Variants in CDYL2 observed in about 807,000 individuals in gnomAD.
CDYL2 encodes the protein chromodomain Y like 2, also known as chromodomain Y-like protein 2.
Under a neutral mutation model 49.4 loss-of-function variants are expected in CDYL2, and 23 were observed. The ratio of observed to expected loss-of-function variants is 0.47; its 90% CI spans 0.34 to 0.66. The LOEUF (loss-of-function observed/expected upper bound fraction) is 0.66, where lower values mean the gene tolerates loss of function less well. Ranked by LOEUF, CDYL2 falls within the 30% of genes least tolerant of loss-of-function variation. CDYL2 has a pLI of 0.01. For synonymous variants in CDYL2, 360 were observed against 268.8 expected (o/e 1.34, Z -3.32); for missense variants, 678 against 656.4 (o/e 1.03, Z -0.36).
chr16:80,744,491 G>GAAA (rs35937964), intron 1 of CDYL2, among the ~76,000 whole-genome samples: 1 of 151,926 alleles, frequency 6.6e-6, no homozygotes. Flanking sequence ...CCAAAAGAAG[G>GAAA]AAAAAAAGAA....
chr16:80,640,191 A>C (rs1291968380), intron 2 of CDYL2, among the ~76,000 whole-genome samples: 1 of 152,204 alleles, frequency 6.6e-6, no homozygotes, highest in Non-Finnish European at 1.5e-5. Context: ...TGCACACCTC[A>C]AGTATCCAAA....
chr16:80,671,276 C>G (rs770785815), intron 2 of CDYL2, among the ~76,000 whole-genome samples: 6 of 152,150 alleles, frequency 3.9e-5, no homozygotes, highest in Non-Finnish European at 8.8e-5. Flanking sequence ...TACGGACAAG[C>G]CAGAGGAAGG....
chr16:80,704,021 G>T (rs572038816), intron 1 of CDYL2, among the ~76,000 whole-genome samples: 1 of 152,308 alleles, frequency 6.6e-6, no homozygotes, highest in African/African-American at 2.4e-5. Flanking sequence ...GCATGTTGCT[G>T]GAAGATTGGG....
intron 1 of CDYL2, among the ~76,000 whole-genome samples, chr16:80,760,949 G>T (rs1056633168): frequency 6.6e-6 from 1 of 152,062 alleles, no homozygotes; most frequent in Non-Finnish European, 1.5e-5. Flanking sequence ...ATGCGCAAAG[G>T]TGACAAAAAC....
chr16:80,614,244 G>A (rs933500200), intron 4 of CDYL2, among the ~76,000 whole-genome samples: 3 of 152,136 alleles, frequency 2.0e-5, no homozygotes, highest in Non-Finnish European at 2.9e-5. Context: ...TCTGCTGGCC[G>A]GCCACATTTC....
chr16:80,692,193 C>T (rs79683231), intron 1 of CDYL2, among the ~76,000 whole-genome samples: 5 of 152,286 alleles, frequency 3.3e-5, no homozygotes, highest in South Asian at 2.1e-4. Context: ...ACTTCACTGA[C>T]GGGGGAAGGA....
At chr16:80,701,267 A>T (rs187773045) in intron 1 of CDYL2, among the ~76,000 whole-genome samples, 1 of 152,362 alleles carries the variant, frequency 6.6e-6, no homozygotes, top group East Asian at 1.9e-4. Context: ...AAATATATAA[A>T]GGTCTGGAAT....
intron 1 of CDYL2, among the ~76,000 whole-genome samples, chr16:80,788,089 A>T (rs962746684): frequency 2.6e-5 from 4 of 152,212 alleles, no homozygotes; most frequent in Admixed American, 1.3e-4. Flanking sequence ...CAAATGAAAG[A>T]AAAAGGAAAA....
At chr16:80,715,922 G>C (rs1597095086) in intron 1 of CDYL2, among the ~76,000 whole-genome samples, 1 of 152,172 alleles carries the variant, frequency 6.6e-6, no homozygotes, top group Non-Finnish European at 1.5e-5. Context: ...GATGGAAGAA[G>C]AAGTAGATTC....
At chr16:80,676,930 C>A (rs1909767352) in intron 2 of CDYL2, among the ~76,000 whole-genome samples, 1 of 141,518 alleles carries the variant, frequency 7.1e-6, no homozygotes. Context: ...TTTCTTACTT[C>A]TTCTGAGGAC....
intron 2 of CDYL2, among the ~76,000 whole-genome samples, chr16:80,668,693 GTT>G (rs1412449188): frequency 1.3e-5 from 2 of 152,024 alleles, no homozygotes; most frequent in African/African-American, 4.8e-5. Flanking sequence ...GAGGTCAGGA[GTT>G]TGAGACCAGC....
At chr16:80,769,329 G>T (rs923209903) in intron 1 of CDYL2, among the ~76,000 whole-genome samples, 2 of 152,222 alleles carry the variant, frequency 1.3e-5, no homozygotes, top group African/African-American at 4.8e-5. Context: ...GTTAATGGAG[G>T]TGATGCTGAA....
chr16:80,620,383 G>C (rs1907025058), intron 4 of CDYL2, among the ~76,000 whole-genome samples: 1 of 152,162 alleles, frequency 6.6e-6, no homozygotes, highest in Admixed American at 6.5e-5. Flanking sequence ...CAGACAACCA[G>C]AGACTCTCCC....
intron 4 of CDYL2, among the ~76,000 whole-genome samples, chr16:80,617,105 G>C (rs928534693): frequency 6.6e-6 from 1 of 152,218 alleles, no homozygotes; most frequent in Non-Finnish European, 1.5e-5. Flanking sequence ...ATGGATCCTG[G>C]AGAGAGCCTT....
intron 1 of CDYL2, among the ~76,000 whole-genome samples, chr16:80,783,308 G>A (rs987388463): frequency 2.0e-5 from 3 of 152,222 alleles, no homozygotes; most frequent in African/African-American, 4.8e-5. Flanking sequence ...AATCAAAACT[G>A]CAATGAGATA....
chr16:80,786,306 T>C (rs1031003109), intron 1 of CDYL2, among the ~76,000 whole-genome samples: 3 of 152,156 alleles, frequency 2.0e-5, no homozygotes, highest in African/African-American at 4.8e-5. Context: ...GGGCAAAGGA[T>C]ATGAACAGAC....
intron 1 of CDYL2, among the ~76,000 whole-genome samples, chr16:80,697,645 C>T (rs925280577): frequency 1.3e-5 from 2 of 152,104 alleles, no homozygotes; most frequent in Non-Finnish European, 2.9e-5. Flanking sequence ...CTTGTTTGCA[C>T]ACAACATGAT....
At chr16:80,606,347 G>T (rs1249827882) in intron 6 of CDYL2, among the ~76,000 whole-genome samples, 1 of 152,158 alleles carries the variant, frequency 6.6e-6, no homozygotes, top group Admixed American at 6.5e-5. Context: ...AGTATTCCTT[G>T]TCCTAAGAGC....
chr16:80,604,596 C>A, intron 6 of CDYL2, 50 bp from the exon 7 acceptor site: 2 of 1,602,772 alleles, frequency 1.2e-6, no homozygotes, highest in Admixed American at 3.3e-5. Context: ...GGACTCTGCT[C>A]CAGAACTAGG....
Sources: allele counts gnomAD v4.1 joint callset (sites outside exome capture counted in the v4.1 genomes callset), GRCh38; gene constraint gnomAD v4.1.1; transcripts MANE v1.5; gene names NCBI Gene and HGNC (gene_info 2026-07-23, HGNC 2026-07-21).